Variants in FARP1 observed in about 807,000 individuals in gnomAD.
FARP1 encodes FERM, ARH/RhoGEF and pleckstrin domain protein 1, also known as FERM, ARHGEF and pleckstrin domain-containing protein 1.
FARP1 carries 52 observed loss-of-function variants against 128.8 expected under a neutral mutation model. That is an observed-to-expected ratio of 0.40 (90% confidence interval 0.32 to 0.51). The LOEUF is 0.51. Ranked by LOEUF, FARP1 falls within the 20% of genes least tolerant of loss-of-function variation. FARP1 has a pLI of 0.45. For synonymous variants in FARP1, 580 were observed against 551.8 expected, an observed-to-expected ratio of 1.05 and a Z score of -0.72; for missense variants, 1,333 against 1,367.9, an observed-to-expected ratio of 0.97 and a Z score of 0.40.
Position 98,395,322 on chromosome 13 carries a change from G to A in FARP1, c.1260G>A (p.Gly420=). The A allele has an allele frequency of 6.2e-7, 1 of 1,610,540 alleles. No homozygotes were observed. The highest frequency in any genetic ancestry group is 8.5e-7 in the Non-Finnish European group (1 of 1,177,764). ...RRGKEPKVSA[G]EPGSHPSPAP... Reference sequence around the variant, plus strand: ...GAAAGGAACCGAAGGTTTCCGCCGGGGAGCCGGGGTCGCACCCGAGCCCTG... The same window carrying A: ...GAAAGGAACCGAAGGTTTCCGCCGGAGAGCCGGGGTCGCACCCGAGCCCTG... Residue 420 remains glycine, a synonymous_variant, in exon 13 of 27, where the codon GGG becomes GGA. Coordinates refer to ENST00000319562, the MANE Select transcript of FARP1 (RefSeq NM_005766.4).
chr13:98,184,591 T>C (rs1208910720), intron 1 of FARP1, among the ~76,000 whole-genome samples: 1 of 152,150 alleles, frequency 6.6e-6, no homozygotes, highest in Non-Finnish European at 1.5e-5. Context: ...GACTCTACAT[T>C]AAAAAATATT....
chr13:98,450,354 T>G lies in FARP1; in HGVS notation c.*2037T>G, dbSNP rs1482525758. On this transcript the variant is annotated 3_prime_UTR_variant, in exon 27 of 27. Transcript: ENST00000319562. Reference sequence around the variant, plus strand: ...GGAAATATAAAAAATGTTTATAAACTGACAGTGTTTTGCCAGAGGAAAGGT... The same window carrying G: ...GGAAATATAAAAAATGTTTATAAACGGACAGTGTTTTGCCAGAGGAAAGGT... 1 of 152,192 alleles carries G rather than the reference T, an allele frequency of 6.6e-6. No homozygotes were observed. The highest frequency in any genetic ancestry group is 6.5e-5 in the Admixed American group (1 of 15,282). The allele number at this position is 152,192 out of a possible 1,614,324, so 9.4% of individuals were successfully genotyped here.
chr13:98,390,927 C>G, intron 11 of FARP1, 47 bp downstream of exon 11: 1 of 1,263,584 alleles, frequency 7.9e-7, no homozygotes, highest in Non-Finnish European at 1.2e-6. Context: ...GGCTCAGACT[C>G]GCCAGGTAAC....
chr13:98,265,464 C>T (rs1287580000), intron 2 of FARP1, among the ~76,000 whole-genome samples: 6 of 150,030 alleles, frequency 4.0e-5, no homozygotes, highest in Admixed American at 6.6e-5. Flanking sequence ...GGACTACAGG[C>T]GCCCGCCACT....
chr13:98,375,341 T>C (rs188497623), intron 5 of FARP1, among the ~76,000 whole-genome samples: 2 of 152,226 alleles, frequency 1.3e-5, no homozygotes, highest in African/African-American at 4.8e-5. Flanking sequence ...GAGGATTTTC[T>C]AATTCTATTA....
At chr13:98,395,202 G>A (rs534029341) in intron 12 of FARP1, 25 bp from the exon 13 acceptor site, 5 of 1,573,798 alleles carry the variant, frequency 3.2e-6, no homozygotes, top group Admixed American at 3.5e-5. Flanking sequence ...CTATCTCTCC[G>A]CACCTTTTTC....
At chr13:98,202,172 G>A (rs1237708123) in intron 1 of FARP1, among the ~76,000 whole-genome samples, 2 of 152,186 alleles carry the variant, frequency 1.3e-5, no homozygotes, top group Non-Finnish European at 2.9e-5. Context: ...CCTGGGGCCA[G>A]CTCCTGGCGT....
chr13:98,323,677 A>T, intron 2 of FARP1, among the ~76,000 whole-genome samples: 1 of 152,148 alleles, frequency 6.6e-6, no homozygotes, highest in South Asian at 2.1e-4. Context: ...CTGGTCATTA[A>T]CTTTTTACTT....
At chr13:98,306,847 T>A (rs746778676) in intron 2 of FARP1, among the ~76,000 whole-genome samples, 1 of 152,212 alleles carries the variant, frequency 6.6e-6, no homozygotes, top group Non-Finnish European at 1.5e-5. Flanking sequence ...TCTGTGCTCT[T>A]TATACCATAC....
chr13:98,244,347 G>T (rs1882941564), intron 2 of FARP1: 5 of 660,128 alleles, frequency 7.6e-6, no homozygotes, highest in Non-Finnish European at 1.3e-5. Flanking sequence ...GTATAGGCTG[G>T]TGTTACCATC....
chr13:98,404,351 TTTC>T (rs1332681194), intron 13 of FARP1: 4 of 152,210 alleles, frequency 2.6e-5, no homozygotes, highest in African/African-American at 9.7e-5. Flanking sequence ...TAACCTGGCT[TTTC>T]TTGTGGAACT....
At chr13:98,394,673 G>A (rs2140069353) in intron 12 of FARP1, among the ~76,000 whole-genome samples, 2 of 152,342 alleles carry the variant, frequency 1.3e-5, no homozygotes, top group African/African-American at 4.8e-5. Context: ...GGTGGCACAT[G>A]CCTGTGGTCC....
At chr13:98,172,102 G>A (rs1281210156) in intron 1 of FARP1, among the ~76,000 whole-genome samples, 2 of 152,080 alleles carry the variant, frequency 1.3e-5, no homozygotes, top group East Asian at 1.9e-4. Context: ...AAATCCGGCC[G>A]TTCTTTATCT....
rs1223906503 is a variant in FARP1, at chr13:98,398,610, G to C, written c.1414+3134G>C. The C allele has an allele frequency of 2.0e-5, 3 of 152,238 alleles. No individual in the cohort carries two copies. In the East Asian group the frequency reaches 5.8e-4, roughly 29 times the overall value. 9.4% of individuals were successfully genotyped at this position (152,238 alleles called of 1,614,324 possible). The stretch of plus-strand genomic sequence containing the variant: ...GGAGACTAGTGATCAAGTAGACTTA[G>C]GCAATTACAGGCCATAATAGGTGGG... On this transcript the variant is annotated intron_variant, in intron 13 of 26. Transcript: ENST00000319562.
intron 2 of FARP1, among the ~76,000 whole-genome samples, chr13:98,280,652 A>G (rs1161410560): frequency 6.6e-6 from 1 of 152,236 alleles, no homozygotes; most frequent in African/African-American, 2.4e-5. Context: ...CTGTTCACAG[A>G]CACTTCTTCA....
chr13:98,414,802 C>T (rs1032310567), intron 16 of FARP1, among the ~76,000 whole-genome samples: 1 of 152,174 alleles, frequency 6.6e-6, no homozygotes, highest in South Asian at 2.1e-4. Context: ...TCGGCTTTCA[C>T]GTGTCAAATG....
At chr13:98,144,202 CTG>C (rs368648027) in intron 1 of FARP1, among the ~76,000 whole-genome samples, 1 of 146,408 alleles carries the variant, frequency 6.8e-6, no homozygotes, top group African/African-American at 2.7e-5. Context: ...CCCGGAGACT[CTG>C]TGTGTGTGTG....
chr13:98,318,146 A>G (rs996396278), intron 2 of FARP1, among the ~76,000 whole-genome samples: 1 of 147,662 alleles, frequency 6.8e-6, no homozygotes, highest in Admixed American at 6.9e-5. Flanking sequence ...CATGGCTCAC[A>G]ACAGCCTCAA....
chr13:98,344,835 G>GTT (rs1445703109), intron 3 of FARP1, among the ~76,000 whole-genome samples: 1 of 152,130 alleles, frequency 6.6e-6, no homozygotes, highest in Non-Finnish European at 1.5e-5. Flanking sequence ...ACACTCTGTC[G>GTT]TTTTCTAGTT....
Sources: gnomAD v4.1 joint callset for allele counts (sites outside exome capture counted in the v4.1 genomes callset) on GRCh38, gnomAD v4.1.1 for gene constraint, MANE v1.5 for transcripts, NCBI Gene and HGNC (gene_info 2026-07-23, HGNC 2026-07-21) for gene names.